WDFY4: variants seen among roughly 807,000 people sequenced by gnomAD.
WDFY4 encodes the protein WDFY family member 4.
A neutral mutation model predicts 351.9 loss-of-function variants in WDFY4; 169 were observed. That is an observed-to-expected ratio of 0.48 (90% CI 0.42 to 0.55). The LOEUF (loss-of-function observed/expected upper bound fraction) is 0.55. Ranked by LOEUF, WDFY4 falls within the 20% of genes least tolerant of loss-of-function variation. The probability of loss-of-function intolerance (pLI) is 0.00; values close to 1 mark genes in which losing one functional copy is unlikely to be tolerated. For synonymous variants in WDFY4, 1,622 were observed against 1,574.6 expected (o/e 1.03, Z -0.71); for missense variants, 3,803 against 3,935.6 (o/e 0.97, Z 0.90).
At chr10:48,927,975 T>C (rs1839714467) in intron 47 of WDFY4, among the ~76,000 whole-genome samples, 1 of 152,156 alleles carries the variant, frequency 6.6e-6, no homozygotes, top group African/African-American at 2.4e-5. Flanking sequence ...CAAACCAACC[T>C]CAAGAGAAGC....
intron 13 of WDFY4, among the ~76,000 whole-genome samples, chr10:48,765,602 C>T (rs1184690491): frequency 6.6e-6 from 1 of 152,158 alleles, no homozygotes; most frequent in Admixed American, 6.5e-5. Context: ...TCAGTAGACC[C>T]ATTTTGCAGA....
At chr10:48,688,254 G>T (rs529626115) in intron 1 of WDFY4, among the ~76,000 whole-genome samples, 1 of 152,276 alleles carries the variant, frequency 6.6e-6, no homozygotes, top group East Asian at 1.9e-4. Context: ...TCTGGAAAGA[G>T]CCTCCCCATT....
chr10:48,699,608 G>A (rs752430855), intron 1 of WDFY4, among the ~76,000 whole-genome samples: 1 of 152,184 alleles, frequency 6.6e-6, no homozygotes, highest in Non-Finnish European at 1.5e-5. Context: ...TCTGAAAATG[G>A]TATCCCTAAT....
chr10:48,917,930 A>G (rs989690213), intron 47 of WDFY4, among the ~76,000 whole-genome samples: 38 of 152,352 alleles, frequency 2.5e-4, no homozygotes, highest in African/African-American at 8.7e-4. Flanking sequence ...TAGATGTCAT[A>G]CATAAGACAA....
intron 47 of WDFY4, chr10:48,910,902 TG>T (rs1837938008): frequency 1.0e-6 from 1 of 985,172 alleles, no homozygotes; most frequent in African/African-American, 1.7e-5. Flanking sequence ...GTAACCTCGA[TG>T]TTTCTCTTAA....
intron 59 of WDFY4, 135 bp from the exon 60 acceptor site, chr10:48,978,174 A>G (rs1842656354): frequency 2.4e-6 from 2 of 829,316 alleles, no homozygotes; most frequent in Non-Finnish European, 3.7e-6. Flanking sequence ...ATAAGTTAAC[A>G]TCAGAAGTGA....
intron 11 of WDFY4, among the ~76,000 whole-genome samples, chr10:48,739,111 T>C (rs2064767493): frequency 6.6e-6 from 1 of 152,264 alleles, no homozygotes; most frequent in Non-Finnish European, 1.5e-5. Context: ...AATATACATT[T>C]AGCTGTTCAA....
chr10:48,972,393 T>A (rs138838011), intron 57 of WDFY4, among the ~76,000 whole-genome samples: 29 of 152,320 alleles, frequency 1.9e-4, no homozygotes, highest in African/African-American at 5.3e-4. Context: ...TTTTGCATAC[T>A]CTTATCCCCA....
intron 40 of WDFY4, among the ~76,000 whole-genome samples, chr10:48,871,999 T>C (rs940893275): frequency 6.6e-6 from 1 of 152,220 alleles, no homozygotes; most frequent in African/African-American, 2.4e-5. Context: ...ATTATTATGG[T>C]ACTATTATTA....
Position 48,778,603 on chromosome 10 carries a change from C to A in WDFY4, c.3176-8C>A. The A allele has an allele frequency of 6.5e-7, 1 of 1,549,668 alleles. No homozygotes were observed. Among genetic ancestry groups the A allele is most frequent in the Non-Finnish European group, 8.7e-7 (1 of 1,146,500 alleles). On this transcript the variant is annotated splice_region_variant and splice_polypyrimidine_tract_variant and intron_variant, in intron 17 of 61. Transcript: ENST00000325239. ...AAAGCCTGAGGGCATGCCTGTGTTC[C>A]CACCCAGGTGCCACCAGACCGTTCC...
At position 48,799,120 on chromosome 10, in the gene WDFY4, C is replaced by CCCAT. The variant is rs570449143; in HGVS notation, c.4410+2672_4410+2675dup. On this transcript the variant is annotated intron_variant, in intron 24 of 61. Coordinates refer to ENST00000325239, the MANE Select transcript of WDFY4 (RefSeq NM_001394531.1). ...GGCCCAGGAATTACTAATGCAGGAA[C>CCCAT]CCATCATGCTCCATTGCCTGCTACT... 2.9e-3 allele frequency among the ~76,000 whole-genome samples: 436 copies of CCCAT among 152,298 alleles called. 1 individual carries two copies. The highest frequency in any genetic ancestry group is 4.4e-3 in the Non-Finnish European group (302 of 68,034).
intron 39 of WDFY4, among the ~76,000 whole-genome samples, chr10:48,836,280 T>A (rs545026581): frequency 7.9e-5 from 12 of 152,240 alleles, no homozygotes; most frequent in Non-Finnish European, 1.6e-4. Flanking sequence ...TTTTTGTTGT[T>A]GAAGGTTAAA....
At chr10:48,733,118 T>C (rs567217252) in intron 9 of WDFY4, among the ~76,000 whole-genome samples, 10 of 152,360 alleles carry the variant, frequency 6.6e-5, no homozygotes, top group Admixed American at 5.2e-4. Context: ...TAGCTGGTAT[T>C]TCTTTTCAGC....
At chr10:48,842,949 A>C (rs557060068) in intron 39 of WDFY4, among the ~76,000 whole-genome samples, 3 of 152,312 alleles carry the variant, frequency 2.0e-5, no homozygotes, top group African/African-American at 7.2e-5. Context: ...GCCTCCCAAA[A>C]AATGGGGTTA....
At chr10:48,919,946 A>T (rs937150703) in intron 47 of WDFY4, among the ~76,000 whole-genome samples, 1 of 152,206 alleles carries the variant, frequency 6.6e-6, no homozygotes, top group Admixed American at 6.5e-5. Flanking sequence ...TCACACAAAG[A>T]CATATAAGAA....
At chr10:48,943,797 G>A (rs1404809901) in intron 49 of WDFY4, among the ~76,000 whole-genome samples, 1 of 152,170 alleles carries the variant, frequency 6.6e-6, no homozygotes, top group Non-Finnish European at 1.5e-5. Flanking sequence ...GTTTCACCAT[G>A]TTGGCCAGGC....
chr10:48,954,066 A>G (rs531930620), intron 51 of WDFY4, among the ~76,000 whole-genome samples: 1 of 152,238 alleles, frequency 6.6e-6, no homozygotes, highest in African/African-American at 2.4e-5. Context: ...TTTTCCTATT[A>G]TTTTGCCCTC....
intron 5 of WDFY4, among the ~76,000 whole-genome samples, 164 bp downstream of exon 5, chr10:48,723,731 A>T (rs1475898039): frequency 6.6e-6 from 1 of 151,928 alleles, no homozygotes; most frequent in Non-Finnish European, 1.5e-5. Flanking sequence ...ACCACTGCAC[A>T]GTCTGCCCCA....
intron 33 of WDFY4, among the ~76,000 whole-genome samples, chr10:48,820,801 G>A (rs982144006): frequency 4.6e-5 from 7 of 152,232 alleles, no homozygotes; most frequent in Admixed American, 3.9e-4. Context: ...TCCCAGGGCC[G>A]GCCCCACCTG....
Sources: gnomAD v4.1 joint callset for allele counts (sites outside exome capture counted in the v4.1 genomes callset) on GRCh38, gnomAD v4.1.1 for gene constraint, MANE v1.5 for transcripts, NCBI Gene and HGNC (gene_info 2026-07-23, HGNC 2026-07-21) for gene names.